The following TAOK3 variants were observed in gnomAD, a reference collection of about 807,000 sequenced individuals.
TAOK3 encodes the protein TAO kinase 3.
TAOK3 carries 40 observed loss-of-function variants against 120.4 expected under a neutral mutation model. That is an observed-to-expected ratio of 0.33 (90% CI 0.26 to 0.43). The LOEUF (loss-of-function observed/expected upper bound fraction) is 0.43. TAOK3 is among the 20% of genes least tolerant of loss of function. TAOK3 has a pLI of 1.00. For missense variants in TAOK3, 821 were observed against 1,112.1 expected (o/e 0.74, Z 3.72); for synonymous variants, 355 against 387.5 (o/e 0.92, Z 0.99).
intron 1 of TAOK3, among the ~76,000 whole-genome samples, chr12:118,354,374 G>T (rs1454024879): frequency 2.6e-5 from 4 of 152,166 alleles, no homozygotes; most frequent in Admixed American, 6.5e-5. Context: ...CTACAGTGTG[G>T]ATAGGCTGGA....
intron 15 of TAOK3, among the ~76,000 whole-genome samples, chr12:118,178,907 T>C (rs893534933): frequency 6.6e-6 from 1 of 152,198 alleles, no homozygotes; most frequent in Admixed American, 6.5e-5. Context: ...GGGTGAAGGA[T>C]ATACGTAAGA....
At chr12:118,152,117 G>A (rs2034489603) in intron 20 of TAOK3, 110 bp downstream of exon 20, 2 of 1,067,426 alleles carry the variant, frequency 1.9e-6, no homozygotes, top group African/African-American at 1.6e-5. Flanking sequence ...GCAGATAAGT[G>A]AAAAGTGCCC....
chr12:118,234,212 A>ATTTTTTTTTTTTTTTTTTTTTTTT lies in TAOK3; in HGVS notation c.552-471_552-448dup, dbSNP rs763473530. ...TTAAAGTAATTAAATAAAGCAGGAA[A>ATTTTTTTTTTTTTTTTTTTTTTTT]TTTTTTTTTTTTTTTTTTTTTTTTT... On this transcript the variant is annotated intron_variant, in intron 8 of 20. Coordinates refer to ENST00000392533, the MANE Select transcript of TAOK3 (RefSeq NM_016281.4). Among the ~76,000 whole-genome samples the ATTTTTTTTTTTTTTTTTTTTTTTT allele has an allele frequency of 1.3e-3, 73 of 58,340 alleles. 21 individuals are homozygous for ATTTTTTTTTTTTTTTTTTTTTTTT. Among genetic ancestry groups the ATTTTTTTTTTTTTTTTTTTTTTTT allele is most frequent in the Non-Finnish European group, 1.8e-3 (58 of 32,398 alleles). The allele number at this position is 58,340 out of a possible 152,430, so 38.3% of individuals were successfully genotyped here.
chr12:118,269,413 C>T (rs1371206275), intron 1 of TAOK3, among the ~76,000 whole-genome samples: 3 of 121,104 alleles, frequency 2.5e-5, no homozygotes, highest in African/African-American at 9.4e-5. Context: ...TTTTGAGACT[C>T]AGGCTGGAGT....
At chr12:118,334,536 A>G (rs952517746) in intron 1 of TAOK3, among the ~76,000 whole-genome samples, 21 of 152,000 alleles carry the variant, frequency 1.4e-4, no homozygotes, top group Admixed American at 1.0e-3. Context: ...GATTTGCTGT[A>G]CAACACTGTA....
At chr12:118,307,992 T>C (rs1340381533) in intron 1 of TAOK3, among the ~76,000 whole-genome samples, 1 of 149,918 alleles carries the variant, frequency 6.7e-6, no homozygotes, top group Non-Finnish European at 1.5e-5. Flanking sequence ...ATTTAAAAAA[T>C]AACAACATTA....
chr12:118,353,819 C>T (rs1021273103), intron 1 of TAOK3, among the ~76,000 whole-genome samples: 2 of 152,150 alleles, frequency 1.3e-5, no homozygotes, highest in African/African-American at 4.8e-5. Flanking sequence ...TACAGATTAA[C>T]ACCCTGAAAT....
chr12:118,264,162 A>G (rs1566033265), intron 2 of TAOK3, among the ~76,000 whole-genome samples: 1 of 152,258 alleles, frequency 6.6e-6, no homozygotes, highest in Non-Finnish European at 1.5e-5. Context: ...AACACTTTGG[A>G]AAACATTGGG....
chr12:118,281,754 G>GAA (rs551634729), intron 1 of TAOK3, among the ~76,000 whole-genome samples: 1 of 129,444 alleles, frequency 7.7e-6, no homozygotes. Flanking sequence ...CTCTGCCTCA[G>GAA]AAAAAAAAAA....
chr12:118,264,354 GT>G (rs1165821844), intron 2 of TAOK3, among the ~76,000 whole-genome samples: 2 of 152,170 alleles, frequency 1.3e-5, no homozygotes, highest in African/African-American at 4.8e-5. Context: ...TGGACAATCT[GT>G]GATAAATACA....
At chr12:118,152,194 A>G (rs374677287) in intron 20 of TAOK3, 33 bp downstream of exon 20, 49 of 1,597,180 alleles carry the variant, frequency 3.1e-5, no homozygotes, top group African/African-American at 5.4e-5. Flanking sequence ...CCTTCCACCC[A>G]GTGGCACCGG....
chr12:118,347,163 C>A (rs1231092068), intron 1 of TAOK3, among the ~76,000 whole-genome samples: 1 of 152,094 alleles, frequency 6.6e-6, no homozygotes, highest in Admixed American at 6.5e-5. Flanking sequence ...GTCACCACAC[C>A]CAGCTAATTT....
chr12:118,228,351 C>T (rs2039607480), intron 9 of TAOK3, among the ~76,000 whole-genome samples: 1 of 151,986 alleles, frequency 6.6e-6, no homozygotes, highest in Non-Finnish European at 1.5e-5. Context: ...GGGGTTTCGG[C>T]ATGTTGGTCA....
chr12:118,338,244 C>G (rs2044447530), intron 1 of TAOK3, among the ~76,000 whole-genome samples: 1 of 152,110 alleles, frequency 6.6e-6, no homozygotes, highest in Non-Finnish European at 1.5e-5. Flanking sequence ...ACAGAGACCC[C>G]ACCTTCACAG....
intron 1 of TAOK3, among the ~76,000 whole-genome samples, chr12:118,307,722 T>G (rs544466756): frequency 6.6e-6 from 1 of 152,278 alleles, no homozygotes; most frequent in South Asian, 2.1e-4. Flanking sequence ...GAACTGTTAA[T>G]GAAGTTCCGG....
At chr12:118,220,219 T>C (rs1243047301) in intron 9 of TAOK3, among the ~76,000 whole-genome samples, 1 of 152,114 alleles carries the variant, frequency 6.6e-6, no homozygotes, top group Non-Finnish European at 1.5e-5. Flanking sequence ...AGTTCTTTAT[T>C]TAATGTGTGT....
intron 3 of TAOK3, among the ~76,000 whole-genome samples, chr12:118,254,964 G>A (rs1042926343): frequency 3.3e-5 from 5 of 151,960 alleles, no homozygotes; most frequent in South Asian, 2.1e-4. Flanking sequence ...GGGTTTCACC[G>A]TGTTAGCCAG....
chr12:118,211,117 G>A (rs1192032139), intron 11 of TAOK3, among the ~76,000 whole-genome samples: 2 of 152,156 alleles, frequency 1.3e-5, no homozygotes, highest in African/African-American at 4.8e-5. Context: ...TGTATTCTCT[G>A]CGCTTAGAAT....
chr12:118,223,383 G>C (rs2039343760), intron 9 of TAOK3, among the ~76,000 whole-genome samples: 1 of 151,324 alleles, frequency 6.6e-6, no homozygotes, highest in African/African-American at 2.4e-5. Flanking sequence ...GTCTCGCTCT[G>C]TCGCCCAGGC....
Sources: gnomAD v4.1 joint callset for allele counts (sites outside exome capture counted in the v4.1 genomes callset) on GRCh38, gnomAD v4.1.1 for gene constraint, MANE v1.5 for transcripts, NCBI Gene and HGNC (gene_info 2026-07-23, HGNC 2026-07-21) for gene names.